ANO1: variants seen among roughly 807,000 people sequenced by gnomAD.
The protein encoded by ANO1 is anoctamin 1, also known as anoctamin-1.
Under a neutral mutation model 124.0 loss-of-function variants are expected in ANO1, and 59 were observed. The observed-to-expected ratio is 0.48, with a 90% CI of 0.39 to 0.59. ANO1 has a LOEUF of 0.59. ANO1 is among the 20% of genes least tolerant of loss of function. The pLI is 0.00. For synonymous variants in ANO1, 529 were observed against 532.0 expected (o/e 0.99, Z 0.08); for missense variants, 1,059 against 1,328.0 (o/e 0.80, Z 3.15).
At chr11:70,016,104 C>T (rs2015073) in intron 1 of ANO1, among the ~76,000 whole-genome samples, 35,758 of 151,404 alleles carry the variant, frequency 0.24, 4,395 homozygotes, top group Admixed American at 0.27. Flanking sequence ...CTCGGTTCAC[C>T]GCAACCTCTG....
At chr11:70,171,497 G>A (rs768617413) in intron 22 of ANO1, among the ~76,000 whole-genome samples, 100 of 152,184 alleles carry the variant, frequency 6.6e-4, no homozygotes, top group Non-Finnish European at 9.6e-4. Flanking sequence ...GAAAAGGAAG[G>A]AAGGAGCCCC....
At chr11:70,186,399 A>AAGGAAGGAAGG (rs1565291366) in intron 25 of ANO1, among the ~76,000 whole-genome samples, 27 of 83,486 alleles carry the variant, frequency 3.2e-4, no homozygotes, top group African/African-American at 1.4e-3. Context: ...AGGAAGGAAG[A>AAGGAAGGAAGG]AAGACATGGA....
chr11:70,152,935 A>G, intron 13 of ANO1, 122 bp from the exon 14 acceptor site: 1 of 782,310 alleles, frequency 1.3e-6, no homozygotes, highest in South Asian at 1.7e-5. Context: ...GCAGCCAACT[A>G]TGAACTGGAC....
At position 70,003,574 on chromosome 11, in the gene ANO1, A is replaced by G. The variant is rs564237975; in HGVS notation, c.58+17408A>G. Among the ~76,000 whole-genome samples, 12 of 128,810 alleles carry G rather than the reference A, an allele frequency of 9.3e-5. No homozygotes were observed. In the East Asian group the frequency reaches 1.8e-3, roughly 19 times the overall value. The allele number at this position is 128,810 out of a possible 152,430, so 84.5% of individuals were successfully genotyped here. A position where few individuals can be genotyped will look rare whatever the true frequency, so the allele number is the denominator to read the frequency against. ...GCTTAGCACAGAGCTGGGGCTTAAT[A>G]AATTGTTGGTGGATGGATGGGTGGA... On this transcript the variant is annotated intron_variant, in intron 1 of 27. Transcript: ENST00000531349.
intron 2 of ANO1, among the ~76,000 whole-genome samples, chr11:70,098,419 G>T (rs2045107232): frequency 6.6e-6 from 1 of 152,308 alleles, no homozygotes; most frequent in South Asian, 2.1e-4. Flanking sequence ...GCTGTGCACG[G>T]CACACACACC....
At chr11:70,161,113 A>G (rs1210339872) in intron 16 of ANO1, 48 bp from the exon 17 acceptor site, 1 of 1,525,696 alleles carries the variant, frequency 6.6e-7, no homozygotes, top group Non-Finnish European at 8.9e-7. Flanking sequence ...AGGCCCAGGA[A>G]GGTCCTGGGT....
At chr11:70,170,701 C>G (rs1317867168) in intron 21 of ANO1, among the ~76,000 whole-genome samples, 186 bp from the exon 22 acceptor site, 1 of 152,174 alleles carries the variant, frequency 6.6e-6, no homozygotes, top group Non-Finnish European at 1.5e-5. Context: ...CTGGAGGTCA[C>G]CCAGGGTCAT....
chr11:70,043,020 TAATC>T (rs1857206644), intron 1 of ANO1, among the ~76,000 whole-genome samples: 1 of 151,484 alleles, frequency 6.6e-6, no homozygotes, highest in African/African-American at 2.4e-5. Flanking sequence ...AAAGAAAAAA[TAATC>T]AATAGAAACA....
chr11:70,019,019 T>C (rs1230163471), intron 1 of ANO1, among the ~76,000 whole-genome samples: 1 of 152,242 alleles, frequency 6.6e-6, no homozygotes, highest in African/African-American at 2.4e-5. Flanking sequence ...TCCATGGCAT[T>C]GTGCAGCCAT....
At chr11:70,072,382 A>G (rs1456606631) in intron 1 of ANO1, 1 of 152,262 alleles carries the variant, frequency 6.6e-6, no homozygotes, top group Non-Finnish European at 1.5e-5. Context: ...AATGATGCAT[A>G]CGTGAAGGCA....
intron 2 of ANO1, among the ~76,000 whole-genome samples, chr11:70,091,230 A>G (rs2044614303): frequency 6.6e-6 from 1 of 152,184 alleles, no homozygotes; most frequent in South Asian, 2.1e-4. Flanking sequence ...CAACGAGCAA[A>G]GGGTTTGCGA....
intron 6 of ANO1, among the ~76,000 whole-genome samples, chr11:70,110,506 CAG>C (rs2135401193): frequency 6.6e-6 from 1 of 152,228 alleles, no homozygotes; most frequent in Admixed American, 6.5e-5. Context: ...CTTTCTATTG[CAG>C]ACAAACTTTT....
chr11:70,111,247 G>A (rs1009228145), intron 6 of ANO1: 1 of 463,272 alleles, frequency 2.2e-6, no homozygotes, highest in Admixed American at 2.4e-5. Flanking sequence ...ATTCCAAATT[G>A]TATGTGTGTT....
chr11:70,085,484 T>TC, intron 1 of ANO1: 1 of 1,535,942 alleles, frequency 6.5e-7, no homozygotes, highest in Non-Finnish European at 8.7e-7. Context: ...TAGAGAGAAG[T>TC]CAGTTGCTTA....
At chr11:70,039,237 A>C (rs782284340) in intron 1 of ANO1, among the ~76,000 whole-genome samples, 5 of 152,168 alleles carry the variant, frequency 3.3e-5, no homozygotes, top group Admixed American at 6.5e-5. Flanking sequence ...ATGCTTAAAC[A>C]CTGGAAAGAG....
rs34200982 is a variant in ANO1, at chr11:70,035,520, C to CTATATATATATATATATATATATATA, written c.59-43004_59-43003insTATATATATATATATATATATATATA. On this transcript the variant is annotated intron_variant, in intron 1 of 27. Transcript: ENST00000531349. ...TAACTGGTAGCCCAGTAAGCTGTTGCTATATATATATATATATACTTTAAG... is the reference window on the plus strand; with the variant it reads ...TAACTGGTAGCCCAGTAAGCTGTTGCTATATATATATATATATATATATATATATATATATATATATATACTTTAAG... Among the ~76,000 whole-genome samples, 351 of 147,472 alleles carry CTATATATATATATATATATATATATA rather than the reference C, an allele frequency of 2.4e-3. 7 individuals carry two copies. The highest frequency in any genetic ancestry group is 0.015 in the East Asian group (69 of 4,554).
chr11:70,174,136 C>A (rs886463377), intron 22 of ANO1, among the ~76,000 whole-genome samples: 2 of 151,270 alleles, frequency 1.3e-5, no homozygotes, highest in Non-Finnish European at 2.9e-5. Flanking sequence ...GACGGGGTTT[C>A]ACCATGTTAG....
At chr11:70,060,038 A>G (rs1414302324) in intron 1 of ANO1, among the ~76,000 whole-genome samples, 2 of 131,046 alleles carry the variant, frequency 1.5e-5, no homozygotes, top group Admixed American at 1.8e-4. Context: ...GGTGTCCTTT[A>G]TAATGAATGA....
intron 19 of ANO1, among the ~76,000 whole-genome samples, chr11:70,164,030 C>T (rs1400092648): frequency 1.3e-5 from 2 of 151,700 alleles, no homozygotes; most frequent in African/African-American, 4.9e-5. Flanking sequence ...GTCTCTTTAC[C>T]CTCAAACACC....
Sources: allele counts gnomAD v4.1 joint callset (sites outside exome capture counted in the v4.1 genomes callset), GRCh38; gene constraint gnomAD v4.1.1; transcripts MANE v1.5; gene names NCBI Gene and HGNC (gene_info 2026-07-23, HGNC 2026-07-21).